GPATCH8: variants seen among roughly 807,000 people sequenced by gnomAD.
GPATCH8 encodes the protein G patch domain-containing protein 8.
Under a neutral mutation model 118.3 loss-of-function variants are expected in GPATCH8, and 18 were observed. That is an observed-to-expected ratio of 0.15 (90% CI 0.11 to 0.23). GPATCH8 has a LOEUF of 0.23. GPATCH8 is among the 10% of genes least tolerant of loss of function. The probability of loss-of-function intolerance (pLI) is 1.00; values close to 1 mark genes in which losing one functional copy is unlikely to be tolerated. For synonymous variants in GPATCH8, 659 were observed against 684.7 expected (o/e 0.96, Z 0.59); for missense variants, 1,631 against 1,873.8 (o/e 0.87, Z 2.39).
At chr17:44,426,848 A>ACTCTCTCTCT (rs71361571) in intron 5 of GPATCH8, among the ~76,000 whole-genome samples, 1 of 35,396 alleles carries the variant, frequency 2.8e-5, no homozygotes, top group Non-Finnish European at 7.3e-5. Flanking sequence ...ACACACACAC[A>ACTCTCTCTCT]CTCTCTCTCT....
chr17:44,428,753 T>C (rs1403616667), intron 5 of GPATCH8, among the ~76,000 whole-genome samples: 3 of 151,456 alleles, frequency 2.0e-5, no homozygotes, highest in Non-Finnish European at 4.4e-5. Context: ...CAGTAAGCTG[T>C]GATCACTGCC....
intron 6 of GPATCH8, among the ~76,000 whole-genome samples, chr17:44,421,051 C>T (rs977604914): frequency 2.0e-5 from 3 of 152,076 alleles, no homozygotes; most frequent in African/African-American, 7.2e-5. Flanking sequence ...GGGGTTTCAC[C>T]AAGTTGGACA....
intron 6 of GPATCH8, among the ~76,000 whole-genome samples, chr17:44,407,657 ATTTTT>A (rs35620878): frequency 1.4e-5 from 2 of 141,782 alleles, no homozygotes; most frequent in Non-Finnish European, 3.1e-5. Flanking sequence ...CATAATTAAG[ATTTTT>A]TTTTTTTTTT....
chr17:44,486,612 C>A (rs913971085), intron 1 of GPATCH8: 1 of 152,012 alleles, frequency 6.6e-6, no homozygotes, highest in Non-Finnish European at 1.5e-5. Flanking sequence ...TATATTGTGG[C>A]CCCCTTTATT....
chr17:44,406,348 T>G (rs1598416037), intron 6 of GPATCH8, among the ~76,000 whole-genome samples: 1 of 152,076 alleles, frequency 6.6e-6, no homozygotes, highest in African/African-American at 2.4e-5. Context: ...AGGGACTATT[T>G]AATCACCTGC....
At chr17:44,407,656 G>T (rs1317617525) in intron 6 of GPATCH8, among the ~76,000 whole-genome samples, 1 of 131,550 alleles carries the variant, frequency 7.6e-6, no homozygotes, top group African/African-American at 2.6e-5. Context: ...CCATAATTAA[G>T]ATTTTTTTTT....
chr17:44,415,734 C>G (rs2049652118), intron 6 of GPATCH8, among the ~76,000 whole-genome samples: 1 of 152,178 alleles, frequency 6.6e-6, no homozygotes. Flanking sequence ...TACAATAGAA[C>G]AAAGAGTCTA....
At chr17:44,408,932 A>C (rs1348514840) in intron 6 of GPATCH8, 1 of 152,210 alleles carries the variant, frequency 6.6e-6, no homozygotes, top group Non-Finnish European at 1.5e-5. Flanking sequence ...CTGCAATCTC[A>C]AAAGCAGAAT....
At chr17:44,418,456 CTTT>C (rs56885612) in intron 6 of GPATCH8, among the ~76,000 whole-genome samples, 4 of 139,732 alleles carry the variant, frequency 2.9e-5, no homozygotes, top group Admixed American at 7.2e-5. Context: ...GTGCTAATGT[CTTT>C]TTTTTTTTTT....
intron 3 of GPATCH8, chr17:44,445,811 G>C (rs542212137): frequency 2.0e-5 from 3 of 152,060 alleles, no homozygotes; most frequent in African/African-American, 7.2e-5. Context: ...CAGCCTACAT[G>C]AGTATTTCTT....
rs184357071 is a variant in GPATCH8 at position 44,441,959 on chromosome 17, C to T, written c.194-5414G>A. ...AGGAGAATCGCTTAAACCCGGGAGG[C>T]GGAGGTTGCAGTGAGCTGACATCGT... On this transcript the variant is annotated intron_variant, in intron 3 of 7. Transcript: ENST00000591680. 2.9e-4 allele frequency among the ~76,000 whole-genome samples: 44 copies of T among 151,742 alleles called. No homozygotes were observed. In the East Asian group the frequency reaches 7.9e-3, roughly 27 times the overall value.
chr17:44,497,422 T>A (rs1007138499), intron 1 of GPATCH8, among the ~76,000 whole-genome samples: 2 of 150,112 alleles, frequency 1.3e-5, no homozygotes, highest in African/African-American at 4.9e-5. Context: ...AAACCCCATC[T>A]CTACAAAAAT....
chr17:44,399,885 G>T lies in GPATCH8; in HGVS notation c.2192C>A (p.Pro731His), dbSNP rs1230311291. ...GCCACTCCCAGGGGGTTCTGGTTTG[G>T]GTCCTCGTTCAGAATCTGCTGGGGC... ...SSAPADSERG[P>H]KPEPPGSGSP... Residue 731 changes from proline (P) to histidine (H), a missense_variant, in exon 8 of 8, where the codon CCC becomes CAC. Physicochemically the swap from Pro to His is moderately conservative, Grantham distance 77 (BLOSUM62 -2). Transcript: ENST00000591680. The T allele has an allele frequency of 4.3e-6, 7 of 1,613,548 alleles. No homozygotes were observed. The highest frequency in any genetic ancestry group is 5.9e-6 in the Non-Finnish European group (7 of 1,179,920).
At chr17:44,492,252 G>C (rs1969300862) in intron 1 of GPATCH8, among the ~76,000 whole-genome samples, 1 of 142,184 alleles carries the variant, frequency 7.0e-6, no homozygotes, top group Admixed American at 7.1e-5. Flanking sequence ...AGTGAGCTGA[G>C]ATGGCTCCAC....
At chr17:44,408,968 A>T (rs2143736107) in intron 6 of GPATCH8, 1 of 152,200 alleles carries the variant, frequency 6.6e-6, no homozygotes, top group East Asian at 1.9e-4. Flanking sequence ...TCTCACCCCA[A>T]CCTTGAGACA....
In GPATCH8 at chr17:44,398,667, G is replaced by C; in HGVS notation, c.3410C>G (p.Pro1137Arg). The change falls in exon 8 of 8, where the codon CCA becomes CGA. Residue 1137 changes from proline to arginine, a missense_variant. Pro to Arg is a moderately radical substitution (Grantham distance 103). Coordinates refer to ENST00000591680, the MANE Select transcript of GPATCH8 (RefSeq NM_001002909.4). ...AAGGACAGGCTTATTGCCAAGAGAT[G>C]GGGGGAGCTTGGGCCCAAAGTAACC... ...PQGYFGPKLP[P>R]SLGNKPVLPL... 1 of 1,568,362 alleles carries C rather than the reference G, an allele frequency of 6.4e-7. No individual in the cohort carries two copies. Among genetic ancestry groups the C allele is most frequent in the Non-Finnish European group, 8.6e-7 (1 of 1,157,044 alleles).
chr17:44,399,926 C>T lies in GPATCH8; in HGVS notation c.2151G>A (p.Lys717=), dbSNP rs1388630443. The change falls in exon 8 of 8, where the codon AAG becomes AAA. Residue 717 remains lysine (K), a synonymous_variant. Coordinates refer to ENST00000591680, the MANE Select transcript of GPATCH8 (RefSeq NM_001002909.4). ...KSKKRKKRKR[K]KNKSSAPADS... ...CTGCTGGGGCTGATGACTTATTCTT[C>T]TTTCGTTTTCGTTTCTTGCGCTTCT... 1 of 1,613,510 alleles carries T rather than the reference C, an allele frequency of 6.2e-7. No homozygotes were observed. The highest frequency in any genetic ancestry group is 1.7e-5 in the Admixed American group (1 of 59,982).
At chr17:44,478,760 GAC>G (rs1967975834) in intron 1 of GPATCH8, among the ~76,000 whole-genome samples, 1 of 152,076 alleles carries the variant, frequency 6.6e-6, no homozygotes, top group African/African-American at 2.4e-5. Context: ...TTTGTTTAGA[GAC>G]AGAGTCTCTC....
intron 3 of GPATCH8, among the ~76,000 whole-genome samples, chr17:44,446,838 AT>A (rs139025311): frequency 0.037 from 5,578 of 150,646 alleles, 340 homozygotes; most frequent in African/African-American, 0.13. Flanking sequence ...CATTTCATCT[AT>A]TTTTTTTTCC....
Sources: allele counts gnomAD v4.1 joint callset (sites outside exome capture counted in the v4.1 genomes callset), GRCh38; gene constraint gnomAD v4.1.1; transcripts MANE v1.5; gene names NCBI Gene and HGNC (gene_info 2026-07-23, HGNC 2026-07-21).